Variants in BMPR1A observed in about 807,000 individuals in gnomAD.
BMPR1A encodes the protein bone morphogenetic protein receptor type 1A.
Under a neutral mutation model 66.0 loss-of-function variants are expected in BMPR1A, and 7 were observed. The ratio of observed to expected loss-of-function variants is 0.11; its 90% CI spans 0.06 to 0.20. BMPR1A has a LOEUF of 0.20. Ranked by LOEUF, BMPR1A falls within the 10% of genes least tolerant of loss-of-function variation. The pLI, the probability that BMPR1A is intolerant of heterozygous loss-of-function variation, is 1.00. For synonymous variants in BMPR1A, 200 were observed against 229.7 expected, an observed-to-expected ratio of 0.87 and a Z score of 1.17; for missense variants, 408 against 669.1, an observed-to-expected ratio of 0.61 and a Z score of 4.31.
intron 2 of BMPR1A, among the ~76,000 whole-genome samples, chr10:86,841,315 A>T (rs956838285): frequency 4.6e-5 from 7 of 152,226 alleles, no homozygotes; most frequent in African/African-American, 1.7e-4. Context: ...GATATATTTG[A>T]TTATTCCACA....
intron 2 of BMPR1A, among the ~76,000 whole-genome samples, chr10:86,863,742 C>G (rs1366610943): frequency 6.6e-6 from 1 of 152,066 alleles, no homozygotes; most frequent in Non-Finnish European, 1.5e-5. Flanking sequence ...ACTATTAGAC[C>G]AGCTCGCCCC....
chr10:86,818,717 C>T (rs1373031704), intron 1 of BMPR1A, among the ~76,000 whole-genome samples: 2 of 152,190 alleles, frequency 1.3e-5, no homozygotes, highest in Non-Finnish European at 2.9e-5. Flanking sequence ...GCAGCAGTTA[C>T]ATATGCTAGA....
At position 86,788,074 on chromosome 10, in the gene BMPR1A, C is replaced by T. The variant is rs561005411; in HGVS notation, c.-268+31155C>T. 1.5e-4 allele frequency among the ~76,000 whole-genome samples: 23 copies of T among 152,130 alleles called. No individual in the cohort carries two copies. In the South Asian group the frequency reaches 2.3e-3, roughly 15 times the overall value. On this transcript the variant is annotated intron_variant, in intron 1 of 12. Coordinates refer to ENST00000372037, the MANE Select transcript of BMPR1A (RefSeq NM_004329.3). ...GAAAAGGGAAGTACTGTGGGCTCAGCGGTTTGATCTTAAAATTTCTATGCA... is the reference window on the plus strand; with the variant it reads ...GAAAAGGGAAGTACTGTGGGCTCAGTGGTTTGATCTTAAAATTTCTATGCA...
intron 5 of BMPR1A, among the ~76,000 whole-genome samples, chr10:86,894,606 A>G (rs1843199305): frequency 6.6e-6 from 1 of 152,162 alleles, no homozygotes; most frequent in South Asian, 2.1e-4. Flanking sequence ...TCACCATTAT[A>G]AGTTAGTTGT....
At chr10:86,820,127 C>T (rs930277887) in intron 1 of BMPR1A, among the ~76,000 whole-genome samples, 3 of 152,168 alleles carry the variant, frequency 2.0e-5, no homozygotes, top group Non-Finnish European at 4.4e-5. Flanking sequence ...TCTGCAGCCT[C>T]CACCTCCCAG....
intron 1 of BMPR1A, among the ~76,000 whole-genome samples, chr10:86,763,676 T>A (rs572747223): frequency 1.3e-5 from 2 of 152,138 alleles, no homozygotes; most frequent in Admixed American, 6.5e-5. Flanking sequence ...CTTTCTTACC[T>A]CCTTTTTTGA....
chr10:86,798,125 A>C (rs1236295884), intron 1 of BMPR1A, among the ~76,000 whole-genome samples: 1 of 152,074 alleles, frequency 6.6e-6, no homozygotes, highest in Non-Finnish European at 1.5e-5. Flanking sequence ...TATCATTCTT[A>C]TATAAGCATA....
intron 1 of BMPR1A, among the ~76,000 whole-genome samples, chr10:86,807,221 TTTATACTA>T (rs1485755766): frequency 6.6e-6 from 1 of 152,214 alleles, no homozygotes; most frequent in African/African-American, 2.4e-5. Context: ...TCATTTTTAG[TTTATACTA>T]ATACTTCTAA....
At chr10:86,817,714 C>CA (rs528179189) in intron 1 of BMPR1A, among the ~76,000 whole-genome samples, 3 of 152,050 alleles carry the variant, frequency 2.0e-5, no homozygotes, top group Admixed American at 1.3e-4. Context: ...AATGAGTAAT[C>CA]AAAAATCTCC....
In BMPR1A at chr10:86,876,000, G is replaced by T; in HGVS notation, c.-19G>T. On this transcript the variant is annotated 5_prime_UTR_variant, in exon 3 of 13. Coordinates refer to ENST00000372037, the MANE Select transcript of BMPR1A (RefSeq NM_004329.3). ...AATTATTAAAGGTGACAGTACACAG[G>T]AAACATTACAATTGAACAATGCCTC... is the stretch of plus-strand genomic sequence containing the variant. 1 of 1,586,474 alleles carries T rather than the reference G, an allele frequency of 6.3e-7. No individual in the cohort carries two copies. Among genetic ancestry groups the T allele is most frequent in the South Asian group, 1.1e-5 (1 of 90,472 alleles).
At chr10:86,766,594 C>A in intron 1 of BMPR1A, among the ~76,000 whole-genome samples, 1 of 151,212 alleles carries the variant, frequency 6.6e-6, no homozygotes, top group African/African-American at 2.4e-5. Flanking sequence ...TATGTTCTCT[C>A]CTCCCAACAT....
At chr10:86,913,748 A>C (rs1843524187) in intron 8 of BMPR1A, among the ~76,000 whole-genome samples, 1 of 152,232 alleles carries the variant, frequency 6.6e-6, no homozygotes, top group Non-Finnish European at 1.5e-5. Flanking sequence ...TGAAAATTAT[A>C]AAACATTGCT....
Position 86,769,012 on chromosome 10 carries a change from G to C in BMPR1A, c.-268+12093G>C, listed in dbSNP as rs1841209449. Among the ~76,000 whole-genome samples the C allele has an allele frequency of 2.0e-5, 3 of 152,316 alleles. No homozygotes were observed. The South Asian group carries it at 6.2e-4, about 32-fold the overall frequency. ...AAGCAGGACAGTTCTATCTTAAAAT[G>C]CAGGTTTGAATGGCTTCACATACAG... On this transcript the variant is annotated intron_variant, in intron 1 of 12. Coordinates refer to ENST00000372037, the MANE Select transcript of BMPR1A (RefSeq NM_004329.3).
intron 2 of BMPR1A, among the ~76,000 whole-genome samples, chr10:86,868,108 G>T (rs1481917808): frequency 1.3e-5 from 2 of 152,148 alleles, no homozygotes; most frequent in Non-Finnish European, 2.9e-5. Flanking sequence ...TAGTTGCATG[G>T]TTGGCTCTCT....
chr10:86,820,503 C>T (rs1430418619), intron 1 of BMPR1A, among the ~76,000 whole-genome samples: 3 of 151,990 alleles, frequency 2.0e-5, no homozygotes, highest in African/African-American at 4.8e-5. Context: ...GAAGTTTTCC[C>T]TTTTTCTAAG....
Position 86,824,081 on chromosome 10 carries a change from TTGTG to T in BMPR1A, c.-267-14756_-267-14753del, listed in dbSNP as rs71477609. Reference sequence around the variant, plus strand: ...TGGCCCCTGGAAATATTACCAAGGGTTGTGTGTGTGTGTGTGTGTGTGTGTGTGT... The same window carrying T: ...TGGCCCCTGGAAATATTACCAAGGGTTGTGTGTGTGTGTGTGTGTGTGTGT... On this transcript the variant is annotated intron_variant, in intron 1 of 12. Coordinates refer to ENST00000372037, the MANE Select transcript of BMPR1A (RefSeq NM_004329.3). Among the ~76,000 whole-genome samples the T allele has an allele frequency of 2.0e-3, 184 of 94,082 alleles. 1 individual carries two copies. The highest frequency in any genetic ancestry group is 6.0e-3 in the Middle Eastern group (1 of 166). 61.7% of individuals were successfully genotyped at this position (94,082 alleles called of 152,430 possible).
chr10:86,783,508 AT>A lies in BMPR1A; in HGVS notation c.-268+26595del, dbSNP rs529555968. ...GATGTCTTTCCCATTTGTGTGTTTA[AT>A]TTTTTCCTCAGTTTTTTGTCATTTT... On this transcript the variant is annotated intron_variant, in intron 1 of 12. Transcript: ENST00000372037. Among the ~76,000 whole-genome samples the A allele has an allele frequency of 2.3e-3, 345 of 152,102 alleles. 1 individual carries two copies. Among genetic ancestry groups the A allele is most frequent in the African/African-American group, 7.9e-3 (329 of 41,506 alleles).
intron 11 of BMPR1A, among the ~76,000 whole-genome samples, chr10:86,922,293 T>C (rs1843678148): frequency 6.6e-6 from 1 of 152,246 alleles, no homozygotes; most frequent in Non-Finnish European, 1.5e-5. Flanking sequence ...TTTCTTGATG[T>C]GTTCATCTGT....
chr10:86,847,503 T>A (rs1842503667), intron 2 of BMPR1A, among the ~76,000 whole-genome samples: 1 of 152,058 alleles, frequency 6.6e-6, no homozygotes, highest in African/African-American at 2.4e-5. Context: ...CCCCTTTTGT[T>A]TTTCTTTTTC....
Sources: allele counts gnomAD v4.1 joint callset (sites outside exome capture counted in the v4.1 genomes callset), GRCh38; gene constraint gnomAD v4.1.1; transcripts MANE v1.5; gene names NCBI Gene and HGNC (gene_info 2026-07-23, HGNC 2026-07-21).